Variants in PDS5A observed in about 807,000 individuals in gnomAD.
The protein encoded by PDS5A is sister chromatid cohesion protein PDS5 homolog A.
A neutral mutation model predicts 167.1 loss-of-function variants in PDS5A; 42 were observed. That is an observed-to-expected ratio of 0.25 (90% CI 0.20 to 0.33). The LOEUF (loss-of-function observed/expected upper bound fraction) is 0.33, where lower values mean the gene tolerates loss of function less well. Ranked by LOEUF, PDS5A falls within the 10% of genes least tolerant of loss-of-function variation. The pLI, the probability that PDS5A is intolerant of heterozygous loss-of-function variation, is 1.00. For missense variants in PDS5A, 1,033 were observed against 1,605.9 expected (o/e 0.64, Z 6.10); for synonymous variants, 553 against 554.6 (o/e 1.00, Z 0.04).
At chr4:39,971,828 A>T (rs1730575755) in intron 2 of PDS5A, among the ~76,000 whole-genome samples, 1 of 152,172 alleles carries the variant, frequency 6.6e-6, no homozygotes, top group Non-Finnish European at 1.5e-5. Flanking sequence ...TAAACTCCTG[A>T]ATTTATAAAA....
At chr4:39,961,822 T>G (rs140921418) in intron 2 of PDS5A, among the ~76,000 whole-genome samples, 1 of 152,254 alleles carries the variant, frequency 6.6e-6, no homozygotes, top group Non-Finnish European at 1.5e-5. Context: ...GAGCATTATA[T>G]AGATTTCTGA....
At chr4:39,922,576 C>T (rs766079200) in intron 6 of PDS5A, 46 bp downstream of exon 6, 25 of 1,439,076 alleles carry the variant, frequency 1.7e-5, no homozygotes, top group Middle Eastern at 1.8e-4. Context: ...TTATGTGTGG[C>T]GTGACTGTTA....
chr4:39,949,422 G>A (rs932679392), intron 2 of PDS5A, among the ~76,000 whole-genome samples: 1 of 151,872 alleles, frequency 6.6e-6, no homozygotes, highest in Admixed American at 6.6e-5. Context: ...TGTCCAGATC[G>A]GGGAAATGTA....
intron 3 of PDS5A, 84 bp from the exon 4 acceptor site, chr4:39,926,945 G>A: frequency 8.9e-7 from 1 of 1,117,970 alleles, no homozygotes; most frequent in Non-Finnish European, 1.2e-6. Context: ...TATTATTTGT[G>A]TACAAACTAC....
At chr4:39,969,127 T>G (rs1007662184) in intron 2 of PDS5A, among the ~76,000 whole-genome samples, 1 of 152,204 alleles carries the variant, frequency 6.6e-6, no homozygotes, top group Admixed American at 6.5e-5. Context: ...TCCTTCCACA[T>G]AGCTAACTTT....
chr4:39,976,266 GT>G, intron 2 of PDS5A, 173 bp downstream of exon 2: 1 of 485,844 alleles, frequency 2.1e-6, no homozygotes. Flanking sequence ...TCCCACAATG[GT>G]TATATCCCTA....
intron 20 of PDS5A, among the ~76,000 whole-genome samples, chr4:39,873,722 A>C (rs949375577): frequency 6.6e-6 from 1 of 152,194 alleles, no homozygotes; most frequent in African/African-American, 2.4e-5. Flanking sequence ...TGAACCAATA[A>C]GGCTAAAATT....
At chr4:39,919,884 A>T (rs910187028) in intron 7 of PDS5A, among the ~76,000 whole-genome samples, 5 of 152,146 alleles carry the variant, frequency 3.3e-5, no homozygotes, top group Non-Finnish European at 7.3e-5. Context: ...GCCAAAAACA[A>T]CAGGCAAAAC....
chr4:39,866,781 A>G, intron 23 of PDS5A, 80 bp downstream of exon 23: 1 of 1,239,184 alleles, frequency 8.1e-7, no homozygotes. Context: ...ACCATTCAGT[A>G]TTCATTAGGT....
At chr4:39,909,152 A>G (rs973868955) in intron 10 of PDS5A, among the ~76,000 whole-genome samples, 19 of 151,898 alleles carry the variant, frequency 1.3e-4, no homozygotes, top group Non-Finnish European at 2.5e-4. Context: ...AACAACAACA[A>G]AAACAGCCTG....
intron 26 of PDS5A, among the ~76,000 whole-genome samples, chr4:39,857,075 G>A (rs544900076): frequency 5.9e-5 from 9 of 152,080 alleles, no homozygotes; most frequent in African/African-American, 1.4e-4. Context: ...AAAAATGGCC[G>A]GGTGCAGTGG....
At chr4:39,942,840 C>A (rs868306829) in intron 2 of PDS5A, among the ~76,000 whole-genome samples, 15 of 152,016 alleles carry the variant, frequency 9.9e-5, no homozygotes, top group Admixed American at 9.2e-4. Context: ...ATCGTGTCTT[C>A]TCAAGAAGAC....
intron 2 of PDS5A, chr4:39,976,045 T>C (rs569737062): frequency 6.5e-6 from 1 of 154,582 alleles, no homozygotes; most frequent in Non-Finnish European, 1.4e-5. Flanking sequence ...TAGAAAATTA[T>C]GCAAATTTTT....
intron 11 of PDS5A, among the ~76,000 whole-genome samples, chr4:39,904,868 T>C (rs184466753): frequency 6.6e-6 from 1 of 152,314 alleles, no homozygotes; most frequent in African/African-American, 2.4e-5. Context: ...TTCATTTGAT[T>C]CTATTGAAAG....
chr4:39,938,779 G>T (rs1000607164), intron 2 of PDS5A, among the ~76,000 whole-genome samples: 1 of 151,754 alleles, frequency 6.6e-6, no homozygotes, highest in African/African-American at 2.4e-5. Flanking sequence ...AGACCATCCT[G>T]GCCAACATGG....
intron 16 of PDS5A, 45 bp from the exon 17 acceptor site, chr4:39,890,409 T>C (rs1349875831): frequency 2.9e-6 from 3 of 1,052,082 alleles, no homozygotes; most frequent in Non-Finnish European, 2.8e-6. Context: ...TTTGCTTTCA[T>C]ATTTTTGAAA....
intron 8 of PDS5A, among the ~76,000 whole-genome samples, chr4:39,914,162 G>GA (rs1724141294): frequency 1.6e-5 from 1 of 64,108 alleles, no homozygotes; most frequent in Admixed American, 1.6e-4. Context: ...ATACAAATTT[G>GA]TTTTTTTTTT....
At chr4:39,908,633 T>C in intron 10 of PDS5A, 93 bp from the exon 11 acceptor site, 2 of 766,070 alleles carry the variant, frequency 2.6e-6, no homozygotes, top group Non-Finnish European at 4.3e-6. Context: ...TAAGTTTTTG[T>C]CCATACTAAA....
At chr4:39,862,467 C>G (rs1422926254) in intron 25 of PDS5A, 134 bp from the exon 26 acceptor site, 1 of 507,782 alleles carries the variant, frequency 2.0e-6, no homozygotes, top group African/African-American at 2.0e-5. Context: ...TACTAAAATA[C>G]TTTACACTTC....
Sources: allele counts gnomAD v4.1 joint callset (sites outside exome capture counted in the v4.1 genomes callset), GRCh38; gene constraint gnomAD v4.1.1; transcripts MANE v1.5; gene names NCBI Gene and HGNC (gene_info 2026-07-23, HGNC 2026-07-21).